PRKCQ: variants seen among roughly 807,000 people sequenced by gnomAD.
The protein encoded by PRKCQ is protein kinase C theta.
A neutral mutation model predicts 91.2 loss-of-function variants in PRKCQ; 41 were observed. The observed-to-expected ratio is 0.45, with a 90% CI of 0.35 to 0.58. PRKCQ has a LOEUF of 0.58. Ranked by LOEUF, PRKCQ falls within the 20% of genes least tolerant of loss-of-function variation. PRKCQ has a pLI of 0.00. For synonymous variants in PRKCQ, 307 were observed against 316.9 expected (o/e 0.97, Z 0.33); for missense variants, 673 against 896.5 (o/e 0.75, Z 3.18).
At chr10:6,490,699 C>T (rs902835107) in intron 8 of PRKCQ, among the ~76,000 whole-genome samples, 11 of 151,942 alleles carry the variant, frequency 7.2e-5, no homozygotes, top group Non-Finnish European at 1.5e-4. Context: ...GAGCTGTGAT[C>T]GAGCCACTGC....
chr10:6,479,285 C>G, intron 11 of PRKCQ, 120 bp from the exon 12 acceptor site: 1 of 1,149,104 alleles, frequency 8.7e-7, no homozygotes. Flanking sequence ...TCTCCAACCC[C>G]CATCCATCCT....
chr10:6,478,859 T>TG (rs1423646814), intron 12 of PRKCQ, 133 bp downstream of exon 12: 1 of 988,034 alleles, frequency 1.0e-6, no homozygotes, highest in Admixed American at 2.4e-5. Flanking sequence ...GATGTTTGGA[T>TG]GGATGGCAGG....
chr10:6,528,998 C>T (rs769139009), intron 1 of PRKCQ, among the ~76,000 whole-genome samples: 1 of 152,188 alleles, frequency 6.6e-6, no homozygotes, highest in Non-Finnish European at 1.5e-5. Context: ...GTGATATAAA[C>T]AGAGATGGAG....
intron 1 of PRKCQ, among the ~76,000 whole-genome samples, chr10:6,562,823 G>T (rs1017902448): frequency 6.6e-5 from 10 of 152,032 alleles, no homozygotes; most frequent in African/African-American, 2.4e-4. Flanking sequence ...ATCATAATAG[G>T]ATTAAATGGG....
chr10:6,483,440 C>G lies in PRKCQ; in HGVS notation c.1179G>C (p.Lys393Asn). ...HKMLGKGSFG[K>N]VFLAEFKKTN... ...AGCATTCTCCCGTGCATTAGCTTAC[C>G]TTGCCAAAACTTCCTTTCCCCAACA... The change falls in exon 11 of 18, where the codon AAG becomes AAC. Residue 393 changes from lysine (K) to asparagine (N), a missense_variant and splice_region_variant. Transcript: ENST00000263125. The G allele has an allele frequency of 2.5e-6, 4 of 1,614,170 alleles. No individual in the cohort carries two copies. The highest frequency in any genetic ancestry group is 1.3e-5 in the African/African-American group (1 of 75,042).
intron 1 of PRKCQ, among the ~76,000 whole-genome samples, chr10:6,562,176 T>A (rs1453040032): frequency 6.6e-6 from 1 of 152,150 alleles, no homozygotes; most frequent in East Asian, 1.9e-4. Context: ...CACTCAGGCT[T>A]GTCTATGAAC....
intron 1 of PRKCQ, among the ~76,000 whole-genome samples, chr10:6,525,725 C>A (rs1440820862): frequency 1.3e-5 from 2 of 152,234 alleles, no homozygotes; most frequent in East Asian, 3.8e-4. Flanking sequence ...TTGCCTCTTT[C>A]CTCCTTGATC....
chr10:6,492,510 G>C (rs1837373071), intron 7 of PRKCQ, among the ~76,000 whole-genome samples: 1 of 152,120 alleles, frequency 6.6e-6, no homozygotes, highest in African/African-American at 2.4e-5. Context: ...GCACAGAGAA[G>C]GTAAGAAACT....
rs192598704 is a variant in PRKCQ, at chr10:6,498,810, C to T, written c.380-252G>A. On this transcript the variant is annotated intron_variant, in intron 4 of 17. Coordinates refer to ENST00000263125, the MANE Select transcript of PRKCQ (RefSeq NM_006257.5). ...ATGTTGGATTGCTGGCTCAATCCTT[C>T]GCTCCTCTTTGACTGGGCTGAGCGA... is the stretch of plus-strand genomic sequence containing the variant. Among the ~76,000 whole-genome samples the T allele has an allele frequency of 1.5e-4, 23 of 152,266 alleles. No homozygotes were observed. The East Asian group carries it at 2.3e-3, about 15-fold the overall frequency.
chr10:6,397,570 G>A, the PRKCQ span, among the ~76,000 whole-genome samples: 1 of 152,026 alleles, frequency 6.6e-6, no homozygotes, highest in Non-Finnish European at 1.5e-5. Context: ...TGTTTATTTT[G>A]ATGAAAGTCC....
chr10:6,526,140 T>C (rs544752094), intron 1 of PRKCQ, among the ~76,000 whole-genome samples: 12 of 152,342 alleles, frequency 7.9e-5, no homozygotes, highest in African/African-American at 2.9e-4. Flanking sequence ...TGCTAAACAA[T>C]GTTCCACAAT....
intron 1 of PRKCQ, among the ~76,000 whole-genome samples, chr10:6,524,933 C>A (rs1022301270): frequency 1.2e-4 from 19 of 152,278 alleles, no homozygotes; most frequent in Middle Eastern, 3.4e-3. Context: ...CGGAGTTCAG[C>A]CAGTCATAGA....
At chr10:6,499,638 T>C (rs527322837) in intron 4 of PRKCQ, among the ~76,000 whole-genome samples, 23 of 152,378 alleles carry the variant, frequency 1.5e-4, no homozygotes, top group African/African-American at 5.3e-4. Context: ...GCTTGAAGAC[T>C]CTTGGATTAC....
intron 8 of PRKCQ, among the ~76,000 whole-genome samples, chr10:6,489,226 G>C (rs1166271783): frequency 6.6e-6 from 1 of 151,996 alleles, no homozygotes; most frequent in African/African-American, 2.4e-5. Flanking sequence ...ATTTTCTTAT[G>C]CATCACCGTG....
At chr10:6,442,907 A>T (rs1834050602) in intron 15 of PRKCQ, among the ~76,000 whole-genome samples, 1 of 152,184 alleles carries the variant, frequency 6.6e-6, no homozygotes, top group Non-Finnish European at 1.5e-5. Context: ...GGTTGCAGTG[A>T]GCCAAGATCA....
chr10:6,450,138 C>A (rs1834571876), intron 15 of PRKCQ, among the ~76,000 whole-genome samples: 2 of 149,100 alleles, frequency 1.3e-5, no homozygotes, highest in African/African-American at 5.0e-5. Flanking sequence ...CACAGACTGG[C>A]AAATTGGATA....
intron 1 of PRKCQ, among the ~76,000 whole-genome samples, chr10:6,578,620 T>C (rs1365386593): frequency 6.6e-6 from 1 of 152,206 alleles, no homozygotes; most frequent in Non-Finnish European, 1.5e-5. Flanking sequence ...CGTCTTTAAA[T>C]ATATGTATGT....
intron 1 of PRKCQ, among the ~76,000 whole-genome samples, chr10:6,519,968 A>G (rs896362137): frequency 6.6e-6 from 1 of 152,174 alleles, no homozygotes; most frequent in Non-Finnish European, 1.5e-5. Flanking sequence ...GCAAACTGAT[A>G]TTGCCAATAA....
chr10:6,454,853 G>A (rs17300357), intron 15 of PRKCQ, among the ~76,000 whole-genome samples: 4,881 of 152,242 alleles, frequency 0.032, 128 homozygotes, highest in Non-Finnish European at 0.05. Flanking sequence ...ACTGAATCAC[G>A]TGGAGACAAG....
Sources: allele counts gnomAD v4.1 joint callset (sites outside exome capture counted in the v4.1 genomes callset), GRCh38; gene constraint gnomAD v4.1.1; transcripts MANE v1.5; gene names NCBI Gene and HGNC (gene_info 2026-07-23, HGNC 2026-07-21).